CORIN: variants seen among roughly 807,000 people sequenced by gnomAD.
CORIN encodes atrial natriuretic peptide-converting enzyme.
A neutral mutation model predicts 125.3 loss-of-function variants in CORIN; 117 were observed. That is an observed-to-expected ratio of 0.93 (90% CI 0.80 to 1.09). CORIN has a LOEUF of 1.09. CORIN is among the 50% of genes least tolerant of loss of function. The probability of loss-of-function intolerance (pLI) is 0.00; values close to 1 mark genes in which losing one functional copy is unlikely to be tolerated. For missense variants in CORIN, 1,253 were observed against 1,306.7 expected, an observed-to-expected ratio of 0.96 and a Z score of 0.63; for synonymous variants, 450 against 466.4, an observed-to-expected ratio of 0.96 and a Z score of 0.45.
intron 5 of CORIN, among the ~76,000 whole-genome samples, chr4:47,702,910 ATTCTTTTTTT>A (rs963610015): frequency 6.3e-4 from 96 of 152,034 alleles, no homozygotes; most frequent in Non-Finnish European, 1.8e-4. Flanking sequence ...AAGCATTAGC[ATTCTTTTTTT>A]TTCTTTTTTT....
intron 5 of CORIN, among the ~76,000 whole-genome samples, chr4:47,699,688 A>T (rs1726197869): frequency 6.6e-6 from 1 of 152,228 alleles, no homozygotes. Flanking sequence ...TTGGCTCTCA[A>T]TGGCAATGAA....
chr4:47,800,020 A>T (rs1255480080), intron 2 of CORIN, among the ~76,000 whole-genome samples: 1 of 152,150 alleles, frequency 6.6e-6, no homozygotes, highest in Non-Finnish European at 1.5e-5. Flanking sequence ...GGTCATACAG[A>T]ATGTCTAGAA....
chr4:47,661,590 G>T, intron 12 of CORIN, 121 bp downstream of exon 12: 1 of 927,378 alleles, frequency 1.1e-6, no homozygotes, highest in Non-Finnish European at 1.6e-6. Flanking sequence ...CACCTAAGCA[G>T]CCTGATTGGA....
intron 5 of CORIN, among the ~76,000 whole-genome samples, chr4:47,741,228 T>C (rs781025442): frequency 2.0e-5 from 3 of 151,952 alleles, no homozygotes; most frequent in Non-Finnish European, 4.4e-5. Flanking sequence ...AACCTGACAA[T>C]TCAACAATTT....
intron 12 of CORIN, among the ~76,000 whole-genome samples, chr4:47,654,229 T>C (rs1723861449): frequency 6.6e-6 from 1 of 152,228 alleles, no homozygotes; most frequent in African/African-American, 2.4e-5. Context: ...GAGTTCATTA[T>C]TTTTAATTTT....
At chr4:47,648,743 T>G (rs1723602821) in intron 13 of CORIN, among the ~76,000 whole-genome samples, 1 of 151,940 alleles carries the variant, frequency 6.6e-6, no homozygotes, top group Admixed American at 6.6e-5. Flanking sequence ...CCCTTTGGAG[T>G]GGAGCCGCTC....
intron 2 of CORIN, among the ~76,000 whole-genome samples, chr4:47,799,531 TC>T (rs1363655648): frequency 6.6e-6 from 1 of 152,196 alleles, no homozygotes; most frequent in Non-Finnish European, 1.5e-5. Context: ...GAGCATTTTT[TC>T]ATATGTTTGT....
chr4:47,800,056 T>A (rs1012793979), intron 2 of CORIN, among the ~76,000 whole-genome samples: 2 of 151,756 alleles, frequency 1.3e-5, no homozygotes, highest in Admixed American at 1.3e-4. Flanking sequence ...TGAAAGAAAA[T>A]AGATTAGTGG....
intron 13 of CORIN, among the ~76,000 whole-genome samples, chr4:47,649,681 G>A (rs1723657891): frequency 6.6e-6 from 1 of 152,170 alleles, no homozygotes; most frequent in Admixed American, 6.5e-5. Flanking sequence ...GTCTACGCAG[G>A]ACACTCTGCC....
In CORIN at chr4:47,678,979, C is replaced by T. The variant is rs75339970; in HGVS notation, c.1133-925G>A. Reference sequence around the variant, plus strand: ...CTACGCATTGTGACTTTTTATATGACTTTTCTTATGTCAAAATAAAAACTA... The same window carrying T: ...CTACGCATTGTGACTTTTTATATGATTTTTCTTATGTCAAAATAAAAACTA... On this transcript the variant is annotated intron_variant, in intron 8 of 21. Transcript: ENST00000273857. Among the ~76,000 whole-genome samples the T allele has an allele frequency of 9.2e-3, 1,408 of 152,322 alleles. 23 individuals carry two copies. The highest frequency in any genetic ancestry group is 0.032 in the African/African-American group (1,346 of 41,570).
chr4:47,822,943 G>A (rs1230463773), intron 1 of CORIN, among the ~76,000 whole-genome samples: 1 of 151,790 alleles, frequency 6.6e-6, no homozygotes, highest in Non-Finnish European at 1.5e-5. Context: ...AGCCTCCCAA[G>A]TACCTGGGAC....
At position 47,626,475 on chromosome 4, in the gene CORIN, G is replaced by A. The variant is rs767748016; in HGVS notation, c.2245C>T (p.Arg749Trp). ...CAGTTGGAGTGTAATGTCAGCCACC[G>A]CGGCTCTTTCTCCTGTTCCTGTATC... ...KLIQEQEKEP[R>W]WLTLHSNWES... The change falls in exon 17 of 22, where the codon CGG becomes TGG. Residue 749 changes from arginine (R) to tryptophan (W), a missense_variant. Physicochemically the swap from Arg to Trp is moderately radical, Grantham distance 101. Transcript: ENST00000273857. 2.7e-5 allele frequency: 43 copies of A among 1,614,004 alleles called. No individual in the cohort carries two copies. Among genetic ancestry groups the A allele is most frequent in the South Asian group, 1.4e-4 (13 of 91,076 alleles).
chr4:47,665,913 A>C (rs1478688100), intron 10 of CORIN, among the ~76,000 whole-genome samples: 1 of 152,138 alleles, frequency 6.6e-6, no homozygotes, highest in African/African-American at 2.4e-5. Context: ...TGCTGTAATA[A>C]ATTCTATTCC....
At chr4:47,624,847 T>C (rs1463844034) in intron 17 of CORIN, among the ~76,000 whole-genome samples, 2 of 151,618 alleles carry the variant, frequency 1.3e-5, no homozygotes, top group Non-Finnish European at 2.9e-5. Context: ...AAAAATACTA[T>C]GATGTACTTA....
intron 16 of CORIN, among the ~76,000 whole-genome samples, chr4:47,636,399 A>G (rs895268163): frequency 1.3e-5 from 2 of 152,202 alleles, no homozygotes; most frequent in African/African-American, 2.4e-5. Context: ...GATTTGTATC[A>G]TCAATTAAAT....
chr4:47,834,473 C>T (rs1577964666), intron 1 of CORIN, among the ~76,000 whole-genome samples: 1 of 152,024 alleles, frequency 6.6e-6, no homozygotes, highest in Non-Finnish European at 1.5e-5. Flanking sequence ...GGTATTGGAC[C>T]AAGGGTATAA....
At chr4:47,698,877 T>A (rs954124956) in intron 5 of CORIN, among the ~76,000 whole-genome samples, 1 of 152,238 alleles carries the variant, frequency 6.6e-6, no homozygotes, top group African/African-American at 2.4e-5. Context: ...CATACACAAA[T>A]GCTTATTGTA....
intron 5 of CORIN, among the ~76,000 whole-genome samples, chr4:47,721,352 C>T (rs1727341775): frequency 6.6e-6 from 1 of 152,064 alleles, no homozygotes; most frequent in Admixed American, 6.5e-5. Flanking sequence ...TCACTGCAAC[C>T]TCCACCTCCT....
Position 47,677,948 on chromosome 4 carries a change from G to A in CORIN, c.1239C>T (p.Asn413=). 1 of 1,611,132 alleles carries A rather than the reference G, an allele frequency of 6.2e-7. No individual in the cohort carries two copies. Among genetic ancestry groups the A allele is most frequent in the South Asian group, 1.1e-5 (1 of 91,012 alleles). ...EDCKDGSDEE[N]CSVIQTSCQE... is the part of the protein sequence containing the mutation. ...GTGGGACACACTTACTGACGCTGCA[G>A]TTCTCCTCATCACTCCCATCCTTGC... Residue 413 remains asparagine, a synonymous_variant, in exon 9 of 22, where the codon AAC becomes AAT. Coordinates refer to ENST00000273857, the MANE Select transcript of CORIN (RefSeq NM_006587.4).
Sources: allele counts gnomAD v4.1 joint callset (sites outside exome capture counted in the v4.1 genomes callset), GRCh38; gene constraint gnomAD v4.1.1; transcripts MANE v1.5; gene names NCBI Gene and HGNC (gene_info 2026-07-23, HGNC 2026-07-21).